PLEKHA7: variants seen among roughly 807,000 people sequenced by gnomAD.
PLEKHA7 encodes pleckstrin homology domain-containing family A member 7.
PLEKHA7 carries 104 observed loss-of-function variants against 170.0 expected under a neutral mutation model. The observed-to-expected ratio is 0.61, with a 90% CI of 0.52 to 0.72. The LOEUF (loss-of-function observed/expected upper bound fraction) is 0.72. PLEKHA7 is among the 30% of genes least tolerant of loss of function. The pLI, the probability that PLEKHA7 is intolerant of heterozygous loss-of-function variation, is 0.00. For missense variants in PLEKHA7, 1,615 were observed against 1,671.7 expected, an observed-to-expected ratio of 0.97 and a Z score of 0.59; for synonymous variants, 648 against 660.8, an observed-to-expected ratio of 0.98 and a Z score of 0.30.
intron 3 of PLEKHA7, among the ~76,000 whole-genome samples, chr11:16,986,836 A>G (rs1863753727): frequency 6.6e-6 from 1 of 152,130 alleles, no homozygotes; most frequent in Admixed American, 6.5e-5. Flanking sequence ...TTTATGTAGC[A>G]CCTACTATAT....
At chr11:16,863,625 C>T (rs1419488283) in intron 4 of PLEKHA7, among the ~76,000 whole-genome samples, 1 of 152,138 alleles carries the variant, frequency 6.6e-6, no homozygotes, top group African/African-American at 2.4e-5. Flanking sequence ...CGTCACTGCT[C>T]GGGAACGCTT....
intron 3 of PLEKHA7, among the ~76,000 whole-genome samples, chr11:16,891,674 A>AG (rs1276973023): frequency 6.6e-6 from 1 of 152,170 alleles, no homozygotes; most frequent in Non-Finnish European, 1.5e-5. Flanking sequence ...GTCCAAAACA[A>AG]GGGGGTAAAA....
intron 3 of PLEKHA7, among the ~76,000 whole-genome samples, chr11:16,951,275 G>A (rs1213476601): frequency 1.3e-5 from 2 of 152,030 alleles, no homozygotes; most frequent in Non-Finnish European, 2.9e-5. Context: ...GCATGGGGAA[G>A]GTGTTCAGTT....
At chr11:16,893,180 G>C (rs758159658) in intron 3 of PLEKHA7, among the ~76,000 whole-genome samples, 1 of 152,178 alleles carries the variant, frequency 6.6e-6, no homozygotes, top group Non-Finnish European at 1.5e-5. Flanking sequence ...AGGGAACTCA[G>C]GCATAGGATA....
chr11:16,987,873 A>G (rs1435824847), intron 3 of PLEKHA7, among the ~76,000 whole-genome samples: 3 of 152,140 alleles, frequency 2.0e-5, no homozygotes, highest in Admixed American at 6.5e-5. Flanking sequence ...ATTTGATAAC[A>G]TATTTCAGAG....
chr11:16,806,482 T>C (rs1288305293), intron 13 of PLEKHA7, among the ~76,000 whole-genome samples: 3 of 152,160 alleles, frequency 2.0e-5, no homozygotes, highest in Non-Finnish European at 2.9e-5. Flanking sequence ...CAGAGGGGAA[T>C]CAAAGGCCAC....
At position 17,006,226 on chromosome 11, in the gene PLEKHA7, G is replaced by C. The variant is rs111689608; in HGVS notation, c.221+7763C>G. Among the ~76,000 whole-genome samples the C allele has an allele frequency of 6.0e-3, 917 of 152,020 alleles. 8 individuals carry two copies. The highest frequency in any genetic ancestry group is 0.021 in the African/African-American group (885 of 41,438). On this transcript the variant is annotated intron_variant, in intron 3 of 26. Transcript: ENST00000531066. Reference sequence around the variant, plus strand: ...CTCTACTAAATTACCCGGGCATGGTGGTGGGCGCCTGTAACACCAGCTACA... The same window carrying C: ...CTCTACTAAATTACCCGGGCATGGTCGTGGGCGCCTGTAACACCAGCTACA...
At chr11:16,875,896 C>T (rs1457746027) in intron 3 of PLEKHA7, among the ~76,000 whole-genome samples, 3 of 152,116 alleles carry the variant, frequency 2.0e-5, no homozygotes, top group African/African-American at 7.2e-5. Context: ...ATCACCACAC[C>T]AGGCTCCAAA....
intron 3 of PLEKHA7, among the ~76,000 whole-genome samples, chr11:16,875,252 T>C (rs1456989908): frequency 6.6e-6 from 1 of 152,054 alleles, no homozygotes; most frequent in African/African-American, 2.4e-5. Flanking sequence ...TATTTGCCCC[T>C]CCAAACTACC....
Position 16,841,634 on chromosome 11 carries a change from AAGT to A in PLEKHA7, c.782_784del (p.Tyr261del). On this transcript the variant is annotated inframe_deletion, in exon 9 of 27. Coordinates refer to ENST00000531066, the MANE Select transcript of PLEKHA7 (RefSeq NM_001329630.2). ...CATGTCCTCCTGGGTGTCGGCACTG[AAGT>A]AGTAGGTCCTCATGCCTGACTGCTC... 6.2e-7 allele frequency: 1 copy of A among 1,614,028 alleles called. No homozygotes were observed. Among genetic ancestry groups the A allele is most frequent in the Non-Finnish European group, 8.5e-7 (1 of 1,180,010 alleles).
chr11:16,972,539 T>C (rs1195398010), intron 3 of PLEKHA7, among the ~76,000 whole-genome samples: 2 of 152,176 alleles, frequency 1.3e-5, no homozygotes, highest in African/African-American at 4.8e-5. Flanking sequence ...GCTTCTCAAG[T>C]AGCTGGGACT....
In PLEKHA7 at chr11:17,014,055, A is replaced by G; in HGVS notation, c.164-9T>C. ...CCAGCCGCGGGGCAGGTCTGCGGAA[A>G]CGCCAGAAAAGTCGGGTCAAACTTG... is the stretch of plus-strand genomic sequence containing the variant. On this transcript the variant is annotated splice_polypyrimidine_tract_variant and intron_variant, in intron 2 of 26. Transcript: ENST00000531066. 6.4e-7 allele frequency: 1 copy of G among 1,568,548 alleles called. No homozygotes were observed. Among genetic ancestry groups the G allele is most frequent in the Non-Finnish European group, 8.6e-7 (1 of 1,157,788 alleles).
At position 17,012,607 on chromosome 11, in the gene PLEKHA7, T is replaced by C. The variant is rs553494899; in HGVS notation, c.221+1382A>G. ...ATCTGATATTATTATTTGTGTTTTT[T>C]ACTTATTTTCTACTCCCTTCCCTCT... On this transcript the variant is annotated intron_variant, in intron 3 of 26. Transcript: ENST00000531066. Among the ~76,000 whole-genome samples, 3 of 152,350 alleles carry C rather than the reference T, an allele frequency of 2.0e-5. No homozygotes were observed. In the South Asian group the frequency reaches 6.2e-4, roughly 32 times the overall value.
intron 25 of PLEKHA7, among the ~76,000 whole-genome samples, chr11:16,783,308 C>A (rs1463380852): frequency 6.6e-6 from 1 of 152,226 alleles, no homozygotes; most frequent in Non-Finnish European, 1.5e-5. Context: ...AGGCTGGCAC[C>A]CTTGGCTCTG....
intron 26 of PLEKHA7, among the ~76,000 whole-genome samples, chr11:16,782,126 T>C (rs190646203): frequency 1.3e-5 from 2 of 148,974 alleles, no homozygotes; most frequent in East Asian, 2.0e-4. Flanking sequence ...CAGACACACA[T>C]ACACACACAC....
rs115532311 is a variant in PLEKHA7, at chr11:16,779,664, C to A, written c.3794-644G>T. 3.9e-3 allele frequency among the ~76,000 whole-genome samples: 587 copies of A among 152,338 alleles called. 8 individuals are homozygous for A. Among genetic ancestry groups the A allele is most frequent in the African/African-American group, 0.014 (567 of 41,570 alleles). On this transcript the variant is annotated intron_variant, in intron 26 of 26. Transcript: ENST00000531066. ...TCAGAGCCTGGCCCAAGGAGGCTGA[C>A]CTCTTCCTCTCATGCTCAGGCTGGC...
intron 3 of PLEKHA7, among the ~76,000 whole-genome samples, chr11:16,948,499 C>T (rs1365210643): frequency 1.3e-5 from 2 of 152,074 alleles, no homozygotes; most frequent in African/African-American, 4.8e-5. Flanking sequence ...TCCCTCACAT[C>T]AGGAAGGTAA....
intron 3 of PLEKHA7, among the ~76,000 whole-genome samples, chr11:16,967,476 C>G (rs1300601006): frequency 1.3e-5 from 2 of 152,216 alleles, no homozygotes; most frequent in Non-Finnish European, 2.9e-5. Context: ...CATGCTGTGT[C>G]TCTGCCACAC....
chr11:16,889,073 G>GA (rs1856423858), intron 3 of PLEKHA7, among the ~76,000 whole-genome samples: 1 of 151,574 alleles, frequency 6.6e-6, no homozygotes. Flanking sequence ...TGGGGCAGCC[G>GA]AAAAACCACA....
Sources: gnomAD v4.1 joint callset for allele counts (sites outside exome capture counted in the v4.1 genomes callset) on GRCh38, gnomAD v4.1.1 for gene constraint, MANE v1.5 for transcripts, NCBI Gene and HGNC (gene_info 2026-07-23, HGNC 2026-07-21) for gene names.